The following RRN3 variants were observed in gnomAD, a reference collection of about 807,000 sequenced individuals.
The protein encoded by RRN3 is RNA polymerase I transcription factor RRN3.
Under a neutral mutation model 82.3 loss-of-function variants are expected in RRN3, and 38 were observed. That is an observed-to-expected ratio of 0.46 (90% CI 0.36 to 0.61). RRN3 has a LOEUF of 0.61. RRN3 is among the 20% of genes least tolerant of loss of function. RRN3 has a pLI of 0.00. For synonymous variants in RRN3, 284 were observed against 284.3 expected, an observed-to-expected ratio of 1.00 and a Z score of 0.01; for missense variants, 726 against 793.1, an observed-to-expected ratio of 0.92 and a Z score of 1.02.
rs1390927038 is a variant in RRN3 at position 15,074,808 on chromosome 16, G to C, written c.912C>G (p.Asp304Glu). The C allele has an allele frequency of 6.2e-7, 1 of 1,613,870 alleles. No individual in the cohort carries two copies. The highest frequency in any genetic ancestry group is 8.5e-7 in the Non-Finnish European group (1 of 1,180,006). The change falls in exon 11 of 18, where the codon GAC becomes GAG. Residue 304 changes from aspartate to glutamate, a missense_variant. Physicochemically the swap from Asp to Glu is conservative, Grantham distance 45. Coordinates refer to ENST00000198767, the MANE Select transcript of RRN3 (RefSeq NM_018427.5). ...GCTCGGCTACAGGATGCACCATCTG[G>C]TCGAGCCGTTCAGGACCAGCCTTTG... ...HETKAGPERL[D>E]QMVHPVAERL... is the part of the protein sequence containing the mutation.
intron 5 of RRN3, 36 bp downstream of exon 5, chr16:15,086,093 A>C: frequency 6.3e-7 from 1 of 1,586,458 alleles, no homozygotes; most frequent in Non-Finnish European, 8.6e-7. Flanking sequence ...ATAAAGAAGT[A>C]TTAAAAAGAA....
Position 15,060,826 on chromosome 16 carries a change from CT to C in RRN3, c.*917del. The C allele has an allele frequency of 6.6e-6, 1 of 152,346 alleles. No individual in the cohort carries two copies. The highest frequency in any genetic ancestry group is 1.9e-4 in the East Asian group (1 of 5,192). 9.4% of individuals were successfully genotyped at this position (152,346 alleles called of 1,614,324 possible). On this transcript the variant is annotated 3_prime_UTR_variant, in exon 18 of 18. Coordinates refer to ENST00000198767, the MANE Select transcript of RRN3 (RefSeq NM_018427.5). ...CACCAAATAATCTAAAAAAATTTTC[CT>C]GTTTCCAACAAAGAAATTCCCAATA...
At chr16:15,080,345 C>T in intron 8 of RRN3, among the ~76,000 whole-genome samples, 1 of 152,308 alleles carries the variant, frequency 6.6e-6, no homozygotes, top group East Asian at 1.9e-4. Context: ...ATTGATAAAA[C>T]TCATATATCA....
chr16:15,093,818 G>A (rs1337449560), intron 1 of RRN3: 1 of 406,814 alleles, frequency 2.5e-6, no homozygotes, highest in African/African-American at 2.1e-5. Flanking sequence ...ATAGCCCAGG[G>A]AAATCCCTTC....
intron 2 of RRN3, among the ~76,000 whole-genome samples, chr16:15,092,014 TA>T (rs1039579793): frequency 6.6e-6 from 1 of 151,794 alleles, no homozygotes; most frequent in South Asian, 2.1e-4. Flanking sequence ...CTGCCTCTAC[TA>T]AAAAAATAAA....
intron 9 of RRN3, among the ~76,000 whole-genome samples, chr16:15,077,061 A>G (rs2045490615): frequency 6.7e-6 from 1 of 149,628 alleles, no homozygotes; most frequent in African/African-American, 2.5e-5. Context: ...CTCACCGCAA[A>G]CTCCGCCCCC....
rs1171864443 is a variant in RRN3 at position 15,070,217 on chromosome 16, G to C, written c.1297C>G (p.Leu433Val). The C allele has an allele frequency of 1.4e-5, 22 of 1,610,936 alleles. No individual in the cohort carries two copies. The highest frequency in any genetic ancestry group is 1.9e-5 in the Non-Finnish European group (22 of 1,179,722). Residue 433 changes from leucine to valine, a missense_variant, in exon 14 of 18, where the codon CTG becomes GTG. This residue lies in a region of RRN3 where 81 missense variants were observed against 156.4 expected (regional missense o/e 0.52). Coordinates refer to ENST00000198767, the MANE Select transcript of RRN3 (RefSeq NM_018427.5). ...TCCTGGTTATTAAGGTATATGTGCA[G>C]CCAGTTAACCAAAAGATCTAGGCAT... ...KSCLDLLVNWLHIYLNNQDSG... is the reference protein window; with the variant it reads ...KSCLDLLVNWVHIYLNNQDSG...
intron 9 of RRN3, among the ~76,000 whole-genome samples, chr16:15,078,956 T>C (rs1469288234): frequency 6.6e-6 from 1 of 151,808 alleles, no homozygotes; most frequent in Non-Finnish European, 1.5e-5. Context: ...GGACTATAGG[T>C]GCCCACCACC....
intron 1 of RRN3, 38 bp downstream of exon 1, chr16:15,094,107 C>G: frequency 6.5e-7 from 1 of 1,541,992 alleles, no homozygotes; most frequent in Non-Finnish European, 8.8e-7. Flanking sequence ...CCTGAGCTTT[C>G]GTCCCAGATA....
chr16:15,083,619 T>C, intron 7 of RRN3, 37 bp from the exon 8 acceptor site: 3 of 1,585,746 alleles, frequency 1.9e-6, no homozygotes, highest in Non-Finnish European at 2.6e-6. Flanking sequence ...ATGTTAACTT[T>C]ACTTTCTAGA....
intron 4 of RRN3, 26 bp from the exon 5 acceptor site, chr16:15,086,284 G>C (rs756047041): frequency 2.5e-6 from 4 of 1,570,230 alleles, no homozygotes; most frequent in Admixed American, 1.8e-5. Flanking sequence ...AAAGATAAAA[G>C]CAGCATGTTA....
intron 6 of RRN3, among the ~76,000 whole-genome samples, chr16:15,085,386 A>G (rs1156507779): frequency 1.3e-5 from 2 of 152,208 alleles, no homozygotes; most frequent in Non-Finnish European, 2.9e-5. Context: ...CCTGGGCTCA[A>G]GCAATCCACC....
Position 15,080,040 on chromosome 16 carries a change from A to G in RRN3, c.723T>C (p.His241=). Residue 241 remains histidine, a synonymous_variant, in exon 9 of 18, where the codon CAT becomes CAC. Transcript: ENST00000198767. ...TTTCAATAATAAGCTCCAGAATTTC[A>G]TGCCTCAAGGTTGGAAAATATACAC... The part of the protein sequence containing the change: ...RISVYFPTLR[H]EILELIIEKL... The G allele has an allele frequency of 6.2e-7, 1 of 1,601,266 alleles. No homozygotes were observed. The highest frequency in any genetic ancestry group is 8.5e-7 in the Non-Finnish European group (1 of 1,173,730).
At chr16:15,093,104 A>G (rs1432106959) in intron 1 of RRN3, among the ~76,000 whole-genome samples, 2 of 151,974 alleles carry the variant, frequency 1.3e-5, no homozygotes, top group Admixed American at 1.3e-4. Flanking sequence ...TCCCGGGTTC[A>G]AGCAATTATC....
chr16:15,085,781 C>G lies in RRN3; in HGVS notation c.473-83G>C, dbSNP rs918014768. On this transcript the variant is annotated intron_variant, in intron 5 of 17. Transcript: ENST00000198767. Reference sequence around the variant, plus strand: ...ATACAAAAAAAGTTACTGACCTAGACAATGAACAGCTATAAAAAAAGTTAT... The same window carrying G: ...ATACAAAAAAAGTTACTGACCTAGAGAATGAACAGCTATAAAAAAAGTTAT... 2.6e-6 allele frequency: 4 copies of G among 1,557,378 alleles called. No individual in the cohort carries two copies. The African/African-American group carries it at 5.5e-5, about 21-fold the overall frequency.
intron 8 of RRN3, among the ~76,000 whole-genome samples, chr16:15,083,259 C>A (rs1299457208): frequency 2.0e-5 from 3 of 152,170 alleles, no homozygotes; most frequent in South Asian, 2.1e-4. Flanking sequence ...ATTAGCTGGG[C>A]ATGGTGGTAG....
intron 7 of RRN3, 90 bp from the exon 8 acceptor site, chr16:15,083,672 G>C (rs2045796124): frequency 6.4e-7 from 1 of 1,560,152 alleles, no homozygotes; most frequent in Non-Finnish European, 8.7e-7. Context: ...AGCAAATATT[G>C]ATAGACATAG....
chr16:15,062,299 G>A (rs140829433), intron 17 of RRN3, among the ~76,000 whole-genome samples: 4 of 152,090 alleles, frequency 2.6e-5, no homozygotes, highest in South Asian at 2.1e-4. Context: ...GAAACATGAC[G>A]AGTCATTCTT....
rs1323944068 is a variant in RRN3, at chr16:15,061,820, A to C, written c.1880T>G (p.Phe627Cys). ...DTVIGITPSS[F>C]DTHFRSPSSS... is the part of the protein sequence containing the mutation. ...TGAAGGACTTCGGAAATGCGTGTCA[A>C]AGGAGCTTGGTGTGATCCCAATCAC... The change falls in exon 18 of 18, where the codon TTT (phenylalanine) becomes TGT (cysteine). Residue 627 changes from phenylalanine (F) to cysteine (C), a missense_variant. Phe to Cys is a radical substitution (Grantham distance 205). Around this residue, in one of 4 missense-constraint regions of RRN3, gnomAD observed 166 missense variants for 154.8 expected, o/e 1.07. Transcript: ENST00000198767. 1 of 1,614,084 alleles carries C rather than the reference A, an allele frequency of 6.2e-7. No homozygotes were observed. Among genetic ancestry groups the C allele is most frequent in the East Asian group, 2.2e-5 (1 of 44,900 alleles).
Sources: allele counts gnomAD v4.1 joint callset (sites outside exome capture counted in the v4.1 genomes callset), GRCh38; gene constraint gnomAD v4.1.1; regional missense constraint gnomAD v4.1.1; transcripts MANE v1.5; gene names NCBI Gene and HGNC (gene_info 2026-07-23, HGNC 2026-07-21).